Variants in MC2R observed in about 807,000 individuals in gnomAD.
The protein encoded by MC2R is adrenocorticotropic hormone receptor.
MC2R carries 9 observed loss-of-function variants against 9.8 expected under a neutral mutation model. The ratio of observed to expected loss-of-function variants is 0.92; its 90% CI spans 0.55 to 1.60. The LOEUF (loss-of-function observed/expected upper bound fraction) is 1.60. MC2R is among the 40% of genes most tolerant of loss of function. MC2R has a pLI of 0.00. For missense variants in MC2R, 370 were observed against 389.0 expected (o/e 0.95, Z 0.41); for synonymous variants, 185 against 154.7 (o/e 1.20, Z -1.45).
At chr18:13,909,293 T>C (rs77842983) in intron 1 of MC2R, among the ~76,000 whole-genome samples, 4,028 of 152,298 alleles carry the variant, frequency 0.026, 132 homozygotes, top group African/African-American at 0.089. Flanking sequence ...TCATTCTCAT[T>C]ACATCACATC....
At chr18:13,908,706 TTGTGTGTGTGTGTGTGTG>T (rs57512236) in intron 1 of MC2R, among the ~76,000 whole-genome samples, 1 of 142,594 alleles carries the variant, frequency 7.0e-6, no homozygotes, top group Admixed American at 6.9e-5. Context: ...CAGGAGCTTC[TTGTGTGTGTGTGTGTGTG>T]TGTGTGTGTG....
At chr18:13,906,532 A>G (rs1009722633) in intron 1 of MC2R, among the ~76,000 whole-genome samples, 7 of 152,198 alleles carry the variant, frequency 4.6e-5, no homozygotes, top group African/African-American at 1.4e-4. Context: ...CGTTCTGCAC[A>G]TGTATCCCAT....
intron 1 of MC2R, among the ~76,000 whole-genome samples, chr18:13,905,040 A>G (rs1312251058): frequency 6.6e-6 from 1 of 152,246 alleles, no homozygotes; most frequent in African/African-American, 2.4e-5. Context: ...GACAAATGGG[A>G]TCTAATTACA....
At position 13,902,620 on chromosome 18, in the gene MC2R, C is replaced by T. The variant is rs372637477; in HGVS notation, c.-129+12868G>A. Among the ~76,000 whole-genome samples, 54 of 152,076 alleles carry T rather than the reference C, an allele frequency of 3.6e-4. No homozygotes were observed. In the South Asian group the frequency reaches 8.7e-3, roughly 25 times the overall value. On this transcript the variant is annotated intron_variant, in intron 1 of 1. Coordinates refer to ENST00000327606, the MANE Select transcript of MC2R (RefSeq NM_000529.2). ...GACAATCTCTTTAATAAACGGTGCT[C>T]GTAAAACTGGATATTCATATGCAGA...
intron 1 of MC2R, among the ~76,000 whole-genome samples, chr18:13,908,034 T>C (rs1053836188): frequency 2.6e-5 from 4 of 152,050 alleles, no homozygotes; most frequent in Admixed American, 2.6e-4. Context: ...ACTGGGTATA[T>C]ATTGAAAAGA....
At chr18:13,897,102 GA>G (rs1222913930) in intron 1 of MC2R, among the ~76,000 whole-genome samples, 1 of 152,188 alleles carries the variant, frequency 6.6e-6, no homozygotes, top group Non-Finnish European at 1.5e-5. Flanking sequence ...TCATATTGCT[GA>G]AAGAAGCACT....
chr18:13,895,525 T>C (rs1322837221), intron 1 of MC2R, among the ~76,000 whole-genome samples: 1 of 151,834 alleles, frequency 6.6e-6, no homozygotes, highest in Non-Finnish European at 1.5e-5. Context: ...TCAGGAGAGG[T>C]TTTTATTCAG....
chr18:13,901,125 TA>T (rs1430949450), intron 1 of MC2R, among the ~76,000 whole-genome samples: 1 of 152,118 alleles, frequency 6.6e-6, no homozygotes, highest in African/African-American at 2.4e-5. Flanking sequence ...ACATTGAAAT[TA>T]AACAATATGC....
intron 1 of MC2R, among the ~76,000 whole-genome samples, chr18:13,892,805 T>TACAC (rs34352644): frequency 0.018 from 2,601 of 147,190 alleles, 63 homozygotes; most frequent in African/African-American, 0.056. Context: ...CATAATCTGT[T>TACAC]ACACACACAC....
chr18:13,905,481 T>C (rs2045408118), intron 1 of MC2R, among the ~76,000 whole-genome samples: 1 of 125,250 alleles, frequency 8.0e-6, no homozygotes, highest in Non-Finnish European at 1.7e-5. Context: ...CGAGACTCCC[T>C]CTAAAAAAAA....
intron 1 of MC2R, among the ~76,000 whole-genome samples, chr18:13,895,926 G>A (rs1357610781): frequency 1.3e-5 from 2 of 152,212 alleles, no homozygotes; most frequent in Non-Finnish European, 2.9e-5. Flanking sequence ...GACTCCATAA[G>A]TCTCTAGGTT....
chr18:13,899,817 G>C (rs1257376539), intron 1 of MC2R, among the ~76,000 whole-genome samples: 1 of 152,118 alleles, frequency 6.6e-6, no homozygotes, highest in Non-Finnish European at 1.5e-5. Flanking sequence ...AAAGCTAAGA[G>C]AGTTCATCAA....
chr18:13,902,379 T>C (rs919614700), intron 1 of MC2R, among the ~76,000 whole-genome samples: 6 of 151,946 alleles, frequency 3.9e-5, no homozygotes, highest in South Asian at 2.1e-4. Flanking sequence ...CTCAGAATAG[T>C]CAAAGCTACC....
chr18:13,914,019 T>C (rs181131433), intron 1 of MC2R, among the ~76,000 whole-genome samples: 394 of 151,930 alleles, frequency 2.6e-3, no homozygotes, highest in Non-Finnish European at 2.9e-3. Context: ...AAGGATTCCA[T>C]AGGAAACATA....
rs104894659 is a variant in MC2R at position 13,884,918 on chromosome 18, G to A, written c.601C>T (p.Arg201Ter). ...GTGGAGATCTTCCTGGTGTGGGATC[G>A]AGCCAGCAGGAACATGTGCACATAG... Reference protein sequence around the residue: ...CLYVHMFLLARSHTRKISTLP... With the variant: ...CLYVHMFLLA The change falls in exon 2 of 2, where the codon CGA becomes TGA. Residue 201 changes from arginine (R) to a stop codon, truncating the protein, a stop_gained. Transcript: ENST00000327606. LOFTEE classifies it high-confidence loss of function. 8 of 1,613,758 alleles carry A rather than the reference G, an allele frequency of 5.0e-6. No individual in the cohort carries two copies. Among genetic ancestry groups the A allele is most frequent in the Admixed American group, 1.7e-5 (1 of 60,010 alleles).
intron 1 of MC2R, among the ~76,000 whole-genome samples, chr18:13,899,373 T>C (rs943393895): frequency 6.6e-6 from 1 of 151,812 alleles, no homozygotes; most frequent in African/African-American, 2.4e-5. Context: ...ATGTAGAAAA[T>C]AGCCTCAAAA....
At chr18:13,891,095 T>C (rs1036486769) in intron 1 of MC2R, among the ~76,000 whole-genome samples, 1 of 152,210 alleles carries the variant, frequency 6.6e-6, no homozygotes, top group African/African-American at 2.4e-5. Flanking sequence ...AAAACTGGGC[T>C]GTCAACTCTT....
chr18:13,909,713 CT>C (rs1567903562), intron 1 of MC2R, among the ~76,000 whole-genome samples: 1 of 152,194 alleles, frequency 6.6e-6, no homozygotes, highest in African/African-American at 2.4e-5. Context: ...CACCTGTGTC[CT>C]GTGCCAGACC....
rs1598458846 is a variant in MC2R, at chr18:13,884,229, G to C, written c.*396C>G. 6.6e-6 allele frequency: 2 copies of C among 303,438 alleles called. No homozygotes were observed. Among genetic ancestry groups the C allele is most frequent in the South Asian group, 3.3e-5 (1 of 30,570 alleles). 18.8% of individuals were successfully genotyped at this position (303,438 alleles called of 1,614,324 possible). On this transcript the variant is annotated 3_prime_UTR_variant, in exon 2 of 2. Transcript: ENST00000327606. ...GGAAAGGCCACCTCAGAACTGGCTT[G>C]TTAGATGTCCACAGGAAAGCAAGTC...
Sources: gnomAD v4.1 joint callset for allele counts (sites outside exome capture counted in the v4.1 genomes callset) on GRCh38, gnomAD v4.1.1 for gene constraint, MANE v1.5 for transcripts, NCBI Gene and HGNC (gene_info 2026-07-23, HGNC 2026-07-21) for gene names.